The following RUVBL1 variants were observed in gnomAD, a reference collection of about 807,000 sequenced individuals.
RUVBL1 encodes RuvB like AAA ATPase 1.
RUVBL1 carries 4 observed loss-of-function variants against 52.4 expected under a neutral mutation model. That is an observed-to-expected ratio of 0.08 (90% CI 0.04 to 0.17). The LOEUF is 0.17. RUVBL1 is among the 10% of genes least tolerant of loss of function. The pLI, the probability that RUVBL1 is intolerant of heterozygous loss-of-function variation, is 1.00. For synonymous variants in RUVBL1, 217 were observed against 214.4 expected, an observed-to-expected ratio of 1.01 and a Z score of -0.10; for missense variants, 298 against 572.8, an observed-to-expected ratio of 0.52 and a Z score of 4.90.
At chr3:128,085,080 C>G (rs1942603799) in intron 9 of RUVBL1, 1 of 152,252 alleles carries the variant, frequency 6.6e-6, no homozygotes. Context: ...GCCTCCAACA[C>G]TGGCTATTGC....
At chr3:128,097,137 G>T (rs973740391) in intron 8 of RUVBL1, among the ~76,000 whole-genome samples, 163 bp downstream of exon 8, 3 of 152,168 alleles carry the variant, frequency 2.0e-5, no homozygotes, top group Non-Finnish European at 4.4e-5. Flanking sequence ...TGGTGACTAG[G>T]GAAATGAGGC....
chr3:128,088,624 A>G (rs1942729696), intron 8 of RUVBL1, among the ~76,000 whole-genome samples: 1 of 149,914 alleles, frequency 6.7e-6, no homozygotes, highest in Non-Finnish European at 1.5e-5. Context: ...TGTTTTTGAG[A>G]CTGGGTCTTG....
chr3:128,150,196 T>G lies in RUVBL1; in HGVS notation c.-40+3007A>C, dbSNP rs150737054. ...TTCTCCCAAAGCACTTCATCATTAT[T>G]TGCCTTATTCATCCACAGTTGTATC... On this transcript the variant is annotated intron_variant, in intron 1 of 9. Coordinates refer to the RUVBL1 transcript ENST00000464873. 2.3e-4 allele frequency among the ~76,000 whole-genome samples: 35 copies of G among 152,318 alleles called. No individual in the cohort carries two copies. In the East Asian group the frequency reaches 6.6e-3, roughly 29 times the overall value.
chr3:128,102,910 C>T (rs1019555974), intron 4 of RUVBL1, among the ~76,000 whole-genome samples: 3 of 152,286 alleles, frequency 2.0e-5, no homozygotes, highest in East Asian at 3.9e-4. Flanking sequence ...TGGGTGGGGA[C>T]GGCAGACCCT....
At position 128,082,828 on chromosome 3, in the gene RUVBL1, T is replaced by C. The variant is rs58336625; in HGVS notation, c.1120-254A>G. On this transcript the variant is annotated intron_variant, in intron 9 of 10. Transcript: ENST00000322623. This position sits in a 1 kb window ranked among gnomAD's most constrained non-coding sequence, Gnocchi z 4.7. ...TGTATTCAACTGACTCAAGTGTGGC[T>C]GGTGCCCAAGGAGGTATGCAGCTTC... 0.053 allele frequency: 18,683 copies of C among 354,316 alleles called. 1,997 individuals are homozygous for C. The highest frequency in any genetic ancestry group is 0.35 in the East Asian group (4,824 of 13,922). The allele number at this position is 354,316 out of a possible 1,614,324, so 21.9% of individuals were successfully genotyped here.
chr3:128,132,607 T>C (rs1943896677), intron 1 of RUVBL1, among the ~76,000 whole-genome samples: 1 of 152,146 alleles, frequency 6.6e-6, no homozygotes, highest in Admixed American at 6.5e-5. Flanking sequence ...TTTCAGGCTC[T>C]AGCTCCCAGA....
intron 1 of RUVBL1, among the ~76,000 whole-genome samples, chr3:128,122,514 C>T (rs932926946): frequency 2.6e-5 from 4 of 152,236 alleles, no homozygotes; most frequent in African/African-American, 9.6e-5. Flanking sequence ...ATGGAAAGCA[C>T]TCAACCAATG....
Position 128,082,469 on chromosome 3 carries a change from G to C in RUVBL1, c.1211+14C>G. ...TGCTGGGGAGGCCCCGGCGGGCCCA[G>C]GGTACCAGCTCACCTCAGTGTGGTC... On this transcript the variant is annotated intron_variant, in intron 10 of 10. Transcript: ENST00000322623. The surrounding 1 kb of genome is among the most constrained non-coding windows in gnomAD (Gnocchi z 4.7). 6.2e-7 allele frequency: 1 copy of C among 1,609,732 alleles called. No individual in the cohort carries two copies. Among genetic ancestry groups the C allele is most frequent in the Non-Finnish European group, 8.5e-7 (1 of 1,176,594 alleles).
intron 1 of RUVBL1, among the ~76,000 whole-genome samples, chr3:128,143,066 C>T (rs1057176181): frequency 6.6e-6 from 1 of 152,158 alleles, no homozygotes; most frequent in African/African-American, 2.4e-5. Context: ...CAGGCCTGAG[C>T]CACAGTGCCC....
chr3:128,067,077 C>G lies in RUVBL1; in HGVS notation c.940-1857G>C. The G allele has an allele frequency of 6.2e-7, 1 of 1,614,202 alleles. No individual in the cohort carries two copies. Among genetic ancestry groups the G allele is most frequent in the Non-Finnish European group, 8.5e-7 (1 of 1,180,034 alleles). On this transcript the variant is annotated intron_variant, in intron 9 of 9. Transcript: ENST00000464873. This position sits in a 1 kb window ranked among gnomAD's most constrained non-coding sequence, Gnocchi z 4.1. ...CCTGCAGTCTGCCCTGGTGTCCAAC[C>G]TTTATGTCATCTCCCAAATGCTCTC...
At chr3:128,112,190 G>A (rs569163141) in intron 3 of RUVBL1, among the ~76,000 whole-genome samples, 1 of 152,224 alleles carries the variant, frequency 6.6e-6, no homozygotes, top group South Asian at 2.1e-4. Context: ...CGAAAGAGAA[G>A]CCATTTTCTT....
At chr3:128,108,404 A>C (rs543100827) in intron 3 of RUVBL1, among the ~76,000 whole-genome samples, 1 of 152,214 alleles carries the variant, frequency 6.6e-6, no homozygotes, top group African/African-American at 2.4e-5. Flanking sequence ...CAAGGAACTT[A>C]TCTCTATTTT....
At chr3:128,105,874 T>C (rs1442847895) in intron 3 of RUVBL1, among the ~76,000 whole-genome samples, 5 of 140,606 alleles carry the variant, frequency 3.6e-5, no homozygotes, top group African/African-American at 1.3e-4. Flanking sequence ...TCTTTTTTTT[T>C]TTTTTTTTTT....
chr3:128,121,006 A>G (rs985933600), intron 1 of RUVBL1, among the ~76,000 whole-genome samples: 11 of 152,116 alleles, frequency 7.2e-5, no homozygotes, highest in African/African-American at 2.7e-4. Flanking sequence ...GATGTAAGCA[A>G]TGTGTGTGGG....
intron 9 of RUVBL1, among the ~76,000 whole-genome samples, chr3:128,065,622 C>T (rs549332475): frequency 2.2e-4 from 33 of 152,148 alleles, no homozygotes; most frequent in African/African-American, 7.7e-4. Flanking sequence ...GGTATTTATA[C>T]GAGCTACATG....
intron 8 of RUVBL1, among the ~76,000 whole-genome samples, chr3:128,096,923 C>T (rs1576453932): frequency 6.6e-6 from 1 of 152,146 alleles, no homozygotes; most frequent in African/African-American, 2.4e-5. Context: ...ATTCCAGTTT[C>T]CTTATTTGAA....
At chr3:128,090,314 G>A (rs1316426069) in intron 8 of RUVBL1, among the ~76,000 whole-genome samples, 3 of 152,182 alleles carry the variant, frequency 2.0e-5, no homozygotes, top group East Asian at 1.9e-4. Flanking sequence ...GGCAGATCAC[G>A]AGGTCAGGAG....
At chr3:128,098,215 C>T (rs1481877880) in intron 7 of RUVBL1, among the ~76,000 whole-genome samples, 4 of 152,118 alleles carry the variant, frequency 2.6e-5, no homozygotes, top group African/African-American at 7.2e-5. Flanking sequence ...TCTGAGGCAG[C>T]GTCTTCCACC....
chr3:128,142,282 G>A (rs1313832033), intron 1 of RUVBL1, among the ~76,000 whole-genome samples: 1 of 152,210 alleles, frequency 6.6e-6, no homozygotes, highest in Non-Finnish European at 1.5e-5. Context: ...ATCAGGGTAG[G>A]TTGGATGAAT....
Sources: gnomAD v4.1 joint callset for allele counts (sites outside exome capture counted in the v4.1 genomes callset) on GRCh38, gnomAD v4.1.1 for gene constraint, Gnocchi (gnomAD v3.1) non-coding constraint, MANE v1.5 for transcripts, NCBI Gene and HGNC (gene_info 2026-07-23, HGNC 2026-07-21) for gene names.